TSPAN7: variants seen among roughly 807,000 people sequenced by gnomAD.
TSPAN7 encodes tetraspanin-7.
TSPAN7 carries 1 observed loss-of-function variant against 17.6 expected under a neutral mutation model. The observed-to-expected ratio is 0.06, with a 90% CI of 0.02 to 0.27. The LOEUF is 0.27. Among genes scored for constraint, TSPAN7 ranks in the 10% least tolerant of loss-of-function variants. The probability of loss-of-function intolerance (pLI) is 1.00; values close to 1 mark genes in which losing one functional copy is unlikely to be tolerated. For missense variants in TSPAN7, 112 were observed against 201.7 expected (o/e 0.56, Z 2.69); for synonymous variants, 78 against 79.0 (o/e 0.99, Z 0.07).
At chrX:38,602,506 A>C (rs2069351944) in intron 1 of TSPAN7, among the ~76,000 whole-genome samples, 1 of 111,885 alleles carries the variant, frequency 8.9e-6, no homozygotes. Context: ...AAAAATCAAC[A>C]AAGGTCATGA....
rs61619425 is a variant in TSPAN7 at position 38,680,539 on chromosome X, T to TTCTCTCTC, written c.598-627_598-620dup. On this transcript the variant is annotated intron_variant, in intron 5 of 7. Transcript: ENST00000378482. ...AGTTTCAAATAAATATACTTACAAA[T>TTCTCTCTC]TCTCTCTCTCTCTCTCTCTCTCTCT... Among the ~76,000 whole-genome samples, 308 of 75,584 alleles carry TTCTCTCTC rather than the reference T, an allele frequency of 4.1e-3. 5 individuals are homozygous for TTCTCTCTC. The highest frequency in any genetic ancestry group is 9.8e-3 in the African/African-American group (200 of 20,318). The allele number at this position is 75,584 out of a possible 115,157, so 65.6% of individuals were successfully genotyped here. A position where few individuals can be genotyped will look rare whatever the true frequency, so the allele number is the denominator to read the frequency against.
rs772156030 is a variant in TSPAN7 at position 38,604,941 on chromosome X, G to A, written c.81+43314G>A. ...AATAAGAGCTATCTATGACAAACCC[G>A]CAGCCAATATCATACTGAATGGGCA... On this transcript the variant is annotated intron_variant, in intron 1 of 7. Transcript: ENST00000378482. 3.1e-3 allele frequency among the ~76,000 whole-genome samples: 346 copies of A among 110,869 alleles called. 2 individuals are homozygous for A. The highest frequency in any genetic ancestry group is 0.011 in the African/African-American group (320 of 30,404).
chrX:38,641,429 A>G, intron 1 of TSPAN7, among the ~76,000 whole-genome samples: 1 of 111,939 alleles, frequency 8.9e-6, no homozygotes, highest in Middle Eastern at 4.6e-3. Flanking sequence ...CTATGACGAA[A>G]GGAGTCCAAA....
intron 1 of TSPAN7, among the ~76,000 whole-genome samples, chrX:38,620,143 T>C (rs901867874): frequency 9.8e-5 from 11 of 111,706 alleles, no homozygotes; most frequent in Non-Finnish European, 1.5e-4. Context: ...AAGAGAGTTG[T>C]GAATGGGGTA....
intron 1 of TSPAN7, among the ~76,000 whole-genome samples, chrX:38,604,636 T>C (rs1402743984): frequency 9.0e-6 from 1 of 111,654 alleles, no homozygotes; most frequent in African/African-American, 3.3e-5. Context: ...GTGAGCATTT[T>C]TTCATGTGTT....
At chrX:38,671,191 C>G (rs1394681335) in intron 2 of TSPAN7, among the ~76,000 whole-genome samples, 185 bp from the exon 3 acceptor site, 1 of 112,445 alleles carries the variant, frequency 8.9e-6, no homozygotes, top group Non-Finnish European at 1.9e-5. Flanking sequence ...ATATTAAACA[C>G]ACATTCCTAG....
chrX:38,616,298 G>T (rs2069455548), intron 1 of TSPAN7, among the ~76,000 whole-genome samples: 2 of 111,890 alleles, frequency 1.8e-5, no homozygotes, highest in South Asian at 7.5e-4. Flanking sequence ...TCTTCCCAGG[G>T]TTATACAGCT....
At chrX:38,588,971 C>T (rs1272822137) in intron 1 of TSPAN7, among the ~76,000 whole-genome samples, 1 of 112,124 alleles carries the variant, frequency 8.9e-6, no homozygotes, top group Non-Finnish European at 1.9e-5. Context: ...CTCTTCTTCA[C>T]TGCGTACTCT....
Position 38,666,108 on chromosome X carries a change from C to T in TSPAN7, c.82-13C>T, listed in dbSNP as rs751616974. 8.3e-7 allele frequency: 1 copy of T among 1,210,434 alleles called. No individual in the cohort carries two copies. Among genetic ancestry groups the T allele is most frequent in the South Asian group, 1.8e-5 (1 of 56,857 alleles). ...CTTGGCAATAGCTTCACACTCTCCT[C>T]TCCCTCTTTCAGATCACTGGGGTGA... On this transcript the variant is annotated splice_polypyrimidine_tract_variant and intron_variant, in intron 1 of 7. Transcript: ENST00000378482.
chrX:38,602,356 A>G (rs942094884), intron 1 of TSPAN7, among the ~76,000 whole-genome samples: 1 of 111,607 alleles, frequency 9.0e-6, no homozygotes, highest in Non-Finnish European at 1.9e-5. Flanking sequence ...AAATATAAAT[A>G]GACTAGTCTC....
chrX:38,613,135 G>A (rs1189672940), intron 1 of TSPAN7, among the ~76,000 whole-genome samples: 5 of 111,502 alleles, frequency 4.5e-5, no homozygotes, highest in Non-Finnish European at 7.5e-5. Flanking sequence ...TCGTCTCTTC[G>A]TATTTGCTCT....
chrX:38,579,375 T>C (rs1602086070), intron 1 of TSPAN7, among the ~76,000 whole-genome samples: 1 of 107,264 alleles, frequency 9.3e-6, no homozygotes, highest in Non-Finnish European at 1.9e-5. Context: ...AGGTCAGGAG[T>C]TTGAGACCAG....
At position 38,603,876 on chromosome X, in the gene TSPAN7, TTTA is replaced by T. The variant is rs1259176612; in HGVS notation, c.81+42260_81+42262del. Among the ~76,000 whole-genome samples, 1,069 of 108,932 alleles carry T rather than the reference TTTA, an allele frequency of 9.8e-3. 5 individuals are homozygous for T. Among genetic ancestry groups the T allele is most frequent in the Middle Eastern group, 0.024 (5 of 211 alleles). 94.6% of individuals were successfully genotyped at this position (108,932 alleles called of 115,157 possible). A position where few individuals can be genotyped will look rare whatever the true frequency, so the allele number is the denominator to read the frequency against. On this transcript the variant is annotated intron_variant, in intron 1 of 7. Transcript: ENST00000378482. ...ATTTATTTATTTATTTATTTTTTAT[TTTA>T]TTATTATTATACTTTAAGTTTTAGG... is the stretch of plus-strand genomic sequence containing the variant.
chrX:38,641,194 G>T (rs1032624993), intron 1 of TSPAN7, among the ~76,000 whole-genome samples: 2 of 112,254 alleles, frequency 1.8e-5, no homozygotes, highest in Non-Finnish European at 3.8e-5. Context: ...TGCCCAGAGT[G>T]CAGCCCCCTC....
chrX:38,601,213 G>A (rs374360546), intron 1 of TSPAN7, among the ~76,000 whole-genome samples: 25 of 111,574 alleles, frequency 2.2e-4, no homozygotes, highest in African/African-American at 8.1e-4. Flanking sequence ...GGGATACTTC[G>A]CTTTCTGGAA....
At chrX:38,613,078 C>G (rs945483623) in intron 1 of TSPAN7, among the ~76,000 whole-genome samples, 1 of 111,964 alleles carries the variant, frequency 8.9e-6, no homozygotes, top group African/African-American at 3.2e-5. Context: ...CACTCAGGAG[C>G]TGGAATCTCC....
At chrX:38,583,160 A>T (rs978351458) in intron 1 of TSPAN7, among the ~76,000 whole-genome samples, 1 of 112,602 alleles carries the variant, frequency 8.9e-6, no homozygotes, top group Non-Finnish European at 1.9e-5. Flanking sequence ...TGCTGATAAA[A>T]GACCCATTAT....
intron 1 of TSPAN7, among the ~76,000 whole-genome samples, chrX:38,645,694 G>A (rs954147073): frequency 7.1e-5 from 8 of 111,939 alleles, no homozygotes; most frequent in Admixed American, 4.7e-4. Flanking sequence ...GCAAACCTCT[G>A]GATTTATAAC....
intron 1 of TSPAN7, among the ~76,000 whole-genome samples, chrX:38,651,232 G>A (rs942236778): frequency 4.5e-5 from 5 of 110,733 alleles, no homozygotes; most frequent in African/African-American, 1.3e-4. Flanking sequence ...TTGGGAGGCC[G>A]AGGCGGGTGG....
Sources: gnomAD v4.1 joint callset for allele counts (sites outside exome capture counted in the v4.1 genomes callset) on GRCh38, gnomAD v4.1.1 for gene constraint, MANE v1.5 for transcripts, NCBI Gene and HGNC (gene_info 2026-07-23, HGNC 2026-07-21) for gene names.